SHLD1: variants seen among roughly 807,000 people sequenced by gnomAD.
SHLD1 encodes the protein RINN1-REV7-interacting novel NHEJ regulator 3.
A neutral mutation model predicts 5.5 loss-of-function variants in SHLD1; 3 were observed. The observed-to-expected ratio is 0.54, with a 90% CI of 0.25 to 1.40. SHLD1 has a LOEUF of 1.40. Among genes scored for constraint, SHLD1 ranks in the 40% most tolerant of loss-of-function variants. SHLD1 has a pLI of 0.15. For synonymous variants in SHLD1, 92 were observed against 94.3 expected (o/e 0.98, Z 0.14); for missense variants, 210 against 244.4 (o/e 0.86, Z 0.94).
chr20:5,827,070 C>T (rs1282834696), intron 2 of SHLD1, among the ~76,000 whole-genome samples: 1 of 152,112 alleles, frequency 6.6e-6, no homozygotes, highest in African/African-American at 2.4e-5. Context: ...AGAGATGAAA[C>T]AGTCCAACCA....
intron 1 of SHLD1, among the ~76,000 whole-genome samples, chr20:5,754,433 A>G (rs149175413): frequency 0.011 from 1,655 of 152,148 alleles, 31 homozygotes; most frequent in African/African-American, 0.038. Flanking sequence ...TTTAACATTA[A>G]TGCTGGTCAT....
intron 2 of SHLD1, among the ~76,000 whole-genome samples, chr20:5,814,654 C>CTTTTTTTTTTTTTTT (rs148119460): frequency 1.9e-5 from 2 of 103,810 alleles, no homozygotes; most frequent in African/African-American, 3.8e-5. Flanking sequence ...TTTTCTTCTT[C>CTTTTTTTTTTTTTTT]TTTTTTTTTT....
chr20:5,785,336 TCTC>T (rs1211943318), intron 2 of SHLD1, among the ~76,000 whole-genome samples: 1 of 152,168 alleles, frequency 6.6e-6, no homozygotes, highest in Admixed American at 6.5e-5. Context: ...CCTATTATGA[TCTC>T]CTTGTTACTC....
At chr20:5,848,415 T>C (rs2087958276) in intron 2 of SHLD1, among the ~76,000 whole-genome samples, 2 of 152,010 alleles carry the variant, frequency 1.3e-5, no homozygotes, top group Non-Finnish European at 2.9e-5. Flanking sequence ...GCTACTAGGG[T>C]GGCTGAGGCA....
chr20:5,817,229 T>G (rs952723612), intron 2 of SHLD1, among the ~76,000 whole-genome samples: 4 of 152,184 alleles, frequency 2.6e-5, no homozygotes, highest in African/African-American at 9.7e-5. Context: ...CTTCTTCCCA[T>G]GTCTAGTAAT....
chr20:5,837,887 G>A (rs1423416343), intron 2 of SHLD1, among the ~76,000 whole-genome samples: 1 of 152,072 alleles, frequency 6.6e-6, no homozygotes, highest in Non-Finnish European at 1.5e-5. Flanking sequence ...TTTCCAATAT[G>A]TTTATTGAAA....
At chr20:5,845,222 A>G (rs892561287) in intron 2 of SHLD1, among the ~76,000 whole-genome samples, 3 of 152,232 alleles carry the variant, frequency 2.0e-5, no homozygotes, top group Non-Finnish European at 4.4e-5. Flanking sequence ...TACTAATTAT[A>G]AAGTATCTTT....
intron 2 of SHLD1, among the ~76,000 whole-genome samples, chr20:5,843,054 T>A (rs1204614376): frequency 1.3e-5 from 2 of 152,182 alleles, no homozygotes; most frequent in Non-Finnish European, 2.9e-5. Flanking sequence ...GTAGATTTGT[T>A]TTTTCCCTGT....
chr20:5,752,799 G>T (rs1254885362), intron 1 of SHLD1, among the ~76,000 whole-genome samples: 1 of 151,738 alleles, frequency 6.6e-6, no homozygotes, highest in East Asian at 1.9e-4. Flanking sequence ...TATTTTGTTT[G>T]TTTGTTTGTT....
At position 5,863,603 on chromosome 20, in the gene SHLD1, G is replaced by A; in HGVS notation, c.*140G>A. ...TTAAGTGCTTTGAGGTTAAAGGCTGGCACCTGTGACCTGGTATTGGAGCCA... is the reference window on the plus strand; with the variant it reads ...TTAAGTGCTTTGAGGTTAAAGGCTGACACCTGTGACCTGGTATTGGAGCCA... On this transcript the variant is annotated 3_prime_UTR_variant, in exon 3 of 3. Coordinates refer to ENST00000303142, the MANE Select transcript of SHLD1 (RefSeq NM_152504.4). 2.4e-6 allele frequency: 2 copies of A among 823,824 alleles called. No homozygotes were observed. The highest frequency in any genetic ancestry group is 3.8e-4 in the Middle Eastern group (1 of 2,650). The allele number at this position is 823,824 out of a possible 1,614,324, so 51.0% of individuals were successfully genotyped here. A position where few individuals can be genotyped will look rare whatever the true frequency, so the allele number is the denominator to read the frequency against.
At chr20:5,802,800 C>T (rs1018964131) in intron 2 of SHLD1, among the ~76,000 whole-genome samples, 2 of 152,112 alleles carry the variant, frequency 1.3e-5, no homozygotes, top group South Asian at 2.1e-4. Context: ...ATGTGCGCCA[C>T]GTTGCCCAGT....
chr20:5,818,079 C>A (rs1218498412), intron 2 of SHLD1, among the ~76,000 whole-genome samples: 2 of 151,460 alleles, frequency 1.3e-5, no homozygotes, highest in Admixed American at 6.6e-5. Flanking sequence ...CTTTTTCTTT[C>A]TTTTTTTTAT....
chr20:5,842,157 T>C (rs926354125), intron 2 of SHLD1, among the ~76,000 whole-genome samples: 1 of 152,218 alleles, frequency 6.6e-6, no homozygotes, highest in African/African-American at 2.4e-5. Context: ...GAGTCTAGCA[T>C]TGGAATACTG....
intron 2 of SHLD1, among the ~76,000 whole-genome samples, chr20:5,784,327 C>T (rs1168880366): frequency 2.0e-5 from 3 of 152,002 alleles, no homozygotes; most frequent in Admixed American, 1.3e-4. Flanking sequence ...TCTATCCCTT[C>T]TTTAAAACTA....
chr20:5,795,206 T>A (rs2087193847), intron 2 of SHLD1, among the ~76,000 whole-genome samples: 1 of 151,828 alleles, frequency 6.6e-6, no homozygotes, highest in Non-Finnish European at 1.5e-5. Context: ...ACCACTGTAC[T>A]TCAGCCTGAG....
intron 2 of SHLD1, among the ~76,000 whole-genome samples, chr20:5,830,412 G>T: frequency 6.6e-6 from 1 of 152,184 alleles, no homozygotes; most frequent in East Asian, 1.9e-4. Context: ...AGATGCGGTG[G>T]CTCACGCCTG....
intron 1 of SHLD1, among the ~76,000 whole-genome samples, chr20:5,760,019 T>C (rs2122192040): frequency 6.6e-6 from 1 of 152,252 alleles, no homozygotes; most frequent in East Asian, 1.9e-4. Context: ...CATATACATA[T>C]ACATCTATAT....
intron 2 of SHLD1, among the ~76,000 whole-genome samples, chr20:5,801,787 C>T (rs1333332740): frequency 1.5e-4 from 23 of 152,034 alleles, no homozygotes; most frequent in Admixed American, 1.5e-3. Context: ...AGATTGATTC[C>T]CCCGCCCCCC....
chr20:5,808,930 T>G (rs1298268239), intron 2 of SHLD1, among the ~76,000 whole-genome samples: 1 of 151,008 alleles, frequency 6.6e-6, no homozygotes, highest in Non-Finnish European at 1.5e-5. Flanking sequence ...AGGAGTTAAT[T>G]CACAGTAAAG....
Sources: allele counts gnomAD v4.1 joint callset (sites outside exome capture counted in the v4.1 genomes callset), GRCh38; gene constraint gnomAD v4.1.1; transcripts MANE v1.5; gene names NCBI Gene and HGNC (gene_info 2026-07-23, HGNC 2026-07-21).